The following CCDC9 variants were observed in gnomAD, a reference collection of about 807,000 sequenced individuals.
The protein encoded by CCDC9 is coiled-coil domain containing 9.
Under a neutral mutation model 65.6 loss-of-function variants are expected in CCDC9, and 52 were observed. The ratio of observed to expected loss-of-function variants is 0.79; its 90% confidence interval spans 0.63 to 1.00. The LOEUF is 1.00. Ranked by LOEUF, CCDC9 falls within the 50% of genes least tolerant of loss-of-function variation. The pLI is 0.00. For missense variants in CCDC9, 834 were observed against 757.2 expected, an observed-to-expected ratio of 1.10 and a Z score of -1.19; for synonymous variants, 332 against 280.3, an observed-to-expected ratio of 1.18 and a Z score of -1.84.
chr19:47,264,982 A>C, intron 7 of CCDC9, 36 bp downstream of exon 7: 5 of 1,425,020 alleles, frequency 3.5e-6, no homozygotes, highest in Non-Finnish European at 4.6e-6. Context: ...CGGGGCTCTC[A>C]GGGCTTTGAT....
In CCDC9 at chr19:47,260,377, C is replaced by G. The variant is rs2059036953; in HGVS notation, c.165C>G (p.Pro55=). ...AELEGVAVTA[P]RKGRSVEKEN... is the part of the protein sequence containing the mutation. ...TTGAGGGAGTCGCAGTCACAGCTCC[C>G]CGAAAGGGCCGCTCAGTGGAGAAGG... The change falls in exon 4 of 12, where the codon CCC becomes CCG. Residue 55 remains proline (P), a synonymous_variant. Transcript: ENST00000221922. The G allele has an allele frequency of 1.2e-6, 2 of 1,604,874 alleles. No homozygotes were observed. Among genetic ancestry groups the G allele is most frequent in the Non-Finnish European group, 1.7e-6 (2 of 1,175,806 alleles).
At chr19:47,272,514 G>A, downstream of CCDC9, among the ~76,000 whole-genome samples, 1 of 152,080 alleles carries the variant, frequency 6.6e-6, no homozygotes, top group East Asian at 1.9e-4. Flanking sequence ...TGTAATCCCA[G>A]CTAATTGGGA....
At chr19:47,274,034 C>T (rs533482088), downstream of CCDC9, 4 of 948,138 alleles carry the variant, frequency 4.2e-6, no homozygotes, top group East Asian at 2.3e-4. Flanking sequence ...GGGGAGGGGG[C>T]GTGAGGAGGG....
chr19:47,265,875 A>G (rs1354705604), intron 7 of CCDC9, among the ~76,000 whole-genome samples: 4 of 145,290 alleles, frequency 2.8e-5, no homozygotes, highest in Non-Finnish European at 6.0e-5. Flanking sequence ...TTTAGTAGAG[A>G]TGGGGTTTCA....
intron 5 of CCDC9, 112 bp downstream of exon 5, chr19:47,260,951 T>A (rs947347419): frequency 8.0e-7 from 1 of 1,249,860 alleles, no homozygotes; most frequent in Non-Finnish European, 1.1e-6. Context: ...TCAGTATCTC[T>A]CTCTGAGCCT....
At chr19:47,261,480 G>T (rs995865638) in intron 5 of CCDC9, among the ~76,000 whole-genome samples, 9 of 152,124 alleles carry the variant, frequency 5.9e-5, no homozygotes, top group African/African-American at 2.2e-4. Context: ...ATCTGGTTCT[G>T]TGAGCTACCT....
At chr19:47,265,030 TG>T in intron 7 of CCDC9, 84 bp downstream of exon 7, 1 of 1,175,346 alleles carries the variant, frequency 8.5e-7, no homozygotes, top group Non-Finnish European at 1.1e-6. Context: ...ATCAGGGCCA[TG>T]GGGCCTCTCC....
chr19:47,275,155 G>C (rs1055218), downstream of CCDC9: 1 of 1,481,834 alleles, frequency 6.7e-7, no homozygotes, highest in African/African-American at 1.5e-5. Flanking sequence ...TGTGCTGCCC[G>C]CCCGGGCGTG....
chr19:47,274,309 C>G (rs1165212184), downstream of CCDC9: 1 of 47,756 alleles, frequency 2.1e-5, no homozygotes, highest in Non-Finnish European at 4.1e-5. Flanking sequence ...GGAGTTAGAG[C>G]GGGGGGCGGG....
rs776631253 is a variant in CCDC9, at chr19:47,270,584, C to A, written c.981C>A (p.Pro327=). 1 of 1,613,888 alleles carries A rather than the reference C, an allele frequency of 6.2e-7. No individual in the cohort carries two copies. The highest frequency in any genetic ancestry group is 1.1e-5 in the South Asian group (1 of 91,064). ...AGGCCTGGGCCCGGCCCCCGAAGCC[C>A]CCTACTTTTGGGGAGTTCCTGTCCC... ...DDQAWARPPK[P]PTFGEFLSQH... The change falls in exon 10 of 12, where the codon CCC becomes CCA. Residue 327 remains proline, a synonymous_variant. Transcript: ENST00000221922.
At chr19:47,257,069 G>A (rs2059014959) in intron 1 of CCDC9, among the ~76,000 whole-genome samples, 1 of 150,370 alleles carries the variant, frequency 6.7e-6, no homozygotes, top group Non-Finnish European at 1.5e-5. Flanking sequence ...CCAGGGTGCT[G>A]GCGGGGAATG....
rs1032183673 is a variant in CCDC9 at position 47,258,661 on chromosome 19, C to G, written c.106C>G (p.Gln36Glu). Reference sequence around the variant, plus strand: ...GAATGAGGCCCTCATCCGGCGCTACCAGGTGCCCTAGCCCCGCCCTGGGAG... The same window carrying G: ...GAATGAGGCCCTCATCCGGCGCTACGAGGTGCCCTAGCCCCGCCCTGGGAG... Reference protein sequence around the residue: ...RKNEALIRRYQEIEEDRKKAE... With the variant: ...RKNEALIRRYEEIEEDRKKAE... The change falls in exon 3 of 12, where the codon CAG (glutamine) becomes GAG (glutamate). Residue 36 changes from glutamine to glutamate, a missense_variant and splice_region_variant. By Grantham distance (29) the Gln-to-Glu change is conservative. Transcript: ENST00000221922. 3 of 1,612,822 alleles carry G rather than the reference C, an allele frequency of 1.9e-6. No homozygotes were observed. Among genetic ancestry groups the G allele is most frequent in the Non-Finnish European group, 8.5e-7 (1 of 1,178,886 alleles).
chr19:47,259,850 G>T (rs968458429), intron 3 of CCDC9, among the ~76,000 whole-genome samples: 1 of 152,138 alleles, frequency 6.6e-6, no homozygotes, highest in East Asian at 1.9e-4. Flanking sequence ...AGGGTGGCAG[G>T]GGAGCTGGTT....
In CCDC9 at chr19:47,271,101, G is replaced by C. The variant is rs776720519; in HGVS notation, c.1105G>C (p.Glu369Gln). The C allele has an allele frequency of 7.1e-6, 11 of 1,559,808 alleles. No individual in the cohort carries two copies. In the South Asian group the frequency reaches 9.5e-5, roughly 13 times the overall value. Residue 369 changes from glutamate (E) to glutamine (Q), a missense_variant, in exon 11 of 12, where the codon GAG becomes CAG. By Grantham distance (29) the Glu-to-Gln change is conservative. Transcript: ENST00000221922. ...CTCTAGTGACCATGATGACCGCTGG[G>C]AGACAAAAGAAGGGGCAGCATCCCC... Reference protein sequence around the residue: ...RAYSDHDDRWETKEGAASPAP... With the variant: ...RAYSDHDDRWQTKEGAASPAP...
chr19:47,260,526 C>G, intron 4 of CCDC9, 62 bp from the exon 5 acceptor site: 4 of 1,574,382 alleles, frequency 2.5e-6, no homozygotes, highest in Non-Finnish European at 2.6e-6. Context: ...TGGGTGGCCT[C>G]CATCCTGGCC....
At chr19:47,275,433 G>C (rs1055497890), downstream of CCDC9, 1 of 1,446,756 alleles carries the variant, frequency 6.9e-7, no homozygotes, top group Non-Finnish European at 9.1e-7. Flanking sequence ...GGATTGGTCC[G>C]GCCTTCTTCC....
Position 47,260,365 on chromosome 19 carries a change from A to G in CCDC9, c.153A>G (p.Ala51=), listed in dbSNP as rs141618668. 2.5e-6 allele frequency: 4 copies of G among 1,603,934 alleles called. No homozygotes were observed. The Admixed American group carries it at 5.1e-5, about 21-fold the overall frequency. Residue 51 remains alanine (A), a synonymous_variant, in exon 4 of 12, where the codon GCA becomes GCG. Coordinates refer to ENST00000221922, the MANE Select transcript of CCDC9 (RefSeq NM_015603.3). ...DRKKAELEGV[A]VTAPRKGRSV... ...AGAAAGCTGAACTTGAGGGAGTCGCAGTCACAGCTCCCCGAAAGGGCCGCT... is the reference window on the plus strand; with the variant it reads ...AGAAAGCTGAACTTGAGGGAGTCGCGGTCACAGCTCCCCGAAAGGGCCGCT...
intron 5 of CCDC9, among the ~76,000 whole-genome samples, chr19:47,261,326 CTG>C (rs1409261570): frequency 6.6e-6 from 1 of 152,256 alleles, no homozygotes; most frequent in East Asian, 1.9e-4. Context: ...CATTCTGTTT[CTG>C]TGTGTTTCTC....
chr19:47,260,810 G>C lies in CCDC9; in HGVS notation c.433G>C (p.Asp145His). Residue 145 changes from aspartate (D) to histidine (H), a missense_variant, in exon 5 of 12, where the codon GAC (aspartate) becomes CAC (histidine). Transcript: ENST00000221922. ...RGSPHLSGAGDTSISDRKSKE... is the reference protein window; with the variant it reads ...RGSPHLSGAGHTSISDRKSKE... ...TTCACCTCACCTCTCTGGAGCTGGA[G>C]ACACCTCAATCTCTGACCGTAAATC... 1.2e-6 allele frequency: 2 copies of C among 1,613,356 alleles called. No individual in the cohort carries two copies. Among genetic ancestry groups the C allele is most frequent in the Non-Finnish European group, 1.7e-6 (2 of 1,179,674 alleles).
Sources: allele counts gnomAD v4.1 joint callset (sites outside exome capture counted in the v4.1 genomes callset), GRCh38; gene constraint gnomAD v4.1.1; transcripts MANE v1.5; gene names NCBI Gene and HGNC (gene_info 2026-07-23, HGNC 2026-07-21).